TTLL7: variants seen among roughly 807,000 people sequenced by gnomAD.
The protein encoded by TTLL7 is tubulin polyglutamylase TTLL7.
Under a neutral mutation model 120.2 loss-of-function variants are expected in TTLL7, and 53 were observed. The ratio of observed to expected loss-of-function variants is 0.44; its 90% CI spans 0.35 to 0.55. TTLL7 has a LOEUF of 0.55. Ranked by LOEUF, TTLL7 falls within the 20% of genes least tolerant of loss-of-function variation. The pLI is 0.00. For synonymous variants in TTLL7, 353 were observed against 351.7 expected (o/e 1.00, Z -0.04); for missense variants, 803 against 1,054.7 (o/e 0.76, Z 3.31).
In TTLL7 at chr1:83,891,750, T is replaced by A. The variant is rs536255731; in HGVS notation, c.2209-1269A>T. On this transcript the variant is annotated intron_variant, in intron 18 of 20. Coordinates refer to ENST00000260505, the MANE Select transcript of TTLL7 (RefSeq NM_024686.6). ...GTATTAATACAGTAGTCAAAATGAA[T>A]CAAATATAACACACAAGATAGAACA... is the stretch of plus-strand genomic sequence containing the variant. Among the ~76,000 whole-genome samples the A allele has an allele frequency of 1.4e-4, 21 of 152,064 alleles. No homozygotes were observed. In the South Asian group the frequency reaches 4.2e-3, roughly 30 times the overall value.
chr1:83,981,478 A>G (rs947422389), intron 1 of TTLL7: 3 of 152,182 alleles, frequency 2.0e-5, no homozygotes, highest in Non-Finnish European at 4.4e-5. Context: ...ATATCCACCA[A>G]ACAAGATGGC....
At chr1:83,887,806 T>C (rs1472003921) in intron 19 of TTLL7, among the ~76,000 whole-genome samples, 1 of 144,698 alleles carries the variant, frequency 6.9e-6, no homozygotes, top group African/African-American at 2.5e-5. Flanking sequence ...GTAAATTATA[T>C]ACTCTGTTTA....
chr1:83,893,865 G>A (rs1189233393), intron 18 of TTLL7, among the ~76,000 whole-genome samples: 1 of 151,992 alleles, frequency 6.6e-6, no homozygotes, highest in Non-Finnish European at 1.5e-5. Context: ...GGCAGGGGAT[G>A]AGGAGGGAAA....
At chr1:83,916,917 C>A (rs1401108843) in intron 14 of TTLL7, among the ~76,000 whole-genome samples, 2 of 151,926 alleles carry the variant, frequency 1.3e-5, no homozygotes, top group East Asian at 1.9e-4. Context: ...CAGTGAGACA[C>A]CATCTCTTTA....
chr1:83,938,843 G>C (rs1647664233), intron 7 of TTLL7, among the ~76,000 whole-genome samples: 1 of 152,132 alleles, frequency 6.6e-6, no homozygotes, highest in Non-Finnish European at 1.5e-5. Context: ...TTACTTGAGA[G>C]AGCAATGTTA....
intron 1 of TTLL7, among the ~76,000 whole-genome samples, chr1:83,958,802 T>C (rs1044469730): frequency 6.6e-6 from 1 of 152,226 alleles, no homozygotes; most frequent in Non-Finnish European, 1.5e-5. Context: ...TAGTGTTTCT[T>C]AAATTGTAAT....
At chr1:83,963,202 T>C (rs1344581837) in intron 1 of TTLL7, among the ~76,000 whole-genome samples, 1 of 152,116 alleles carries the variant, frequency 6.6e-6, no homozygotes, top group Non-Finnish European at 1.5e-5. Context: ...TAAACAATCA[T>C]GGGATCCCAT....
chr1:83,949,686 G>T (rs929144717), intron 4 of TTLL7, 179 bp downstream of exon 4: 4 of 601,050 alleles, frequency 6.7e-6, no homozygotes, highest in African/African-American at 5.8e-5. Context: ...ACTTAAGTCT[G>T]CAAAAGATGC....
intron 1 of TTLL7, among the ~76,000 whole-genome samples, chr1:83,966,831 T>C (rs1343929250): frequency 1.3e-5 from 2 of 152,046 alleles, no homozygotes; most frequent in African/African-American, 4.8e-5. Flanking sequence ...ATTTGCAGAA[T>C]CCATGTCAGA....
intron 1 of TTLL7, chr1:83,979,014 T>A (rs935673141): frequency 2.6e-5 from 4 of 152,198 alleles, no homozygotes; most frequent in African/African-American, 9.6e-5. Context: ...GGCCCTTCTC[T>A]TGTGAGCTCT....
chr1:83,962,240 A>G (rs972282965), intron 1 of TTLL7, among the ~76,000 whole-genome samples: 8 of 152,136 alleles, frequency 5.3e-5, no homozygotes, highest in Non-Finnish European at 1.2e-4. Context: ...CTTTCCCTGA[A>G]AACTTGATAT....
chr1:83,971,438 T>C (rs775799277), intron 1 of TTLL7, among the ~76,000 whole-genome samples: 4 of 152,154 alleles, frequency 2.6e-5, no homozygotes, highest in Non-Finnish European at 5.9e-5. Flanking sequence ...AAGTACACTA[T>C]AGTTGATTAT....
chr1:83,882,250 A>T, intron 20 of TTLL7, among the ~76,000 whole-genome samples: 1 of 149,878 alleles, frequency 6.7e-6, no homozygotes, highest in South Asian at 2.1e-4. Context: ...ATAATAAAAT[A>T]AAAATAATAA....
chr1:83,952,266 A>C lies in TTLL7; in HGVS notation c.-55T>G. The C allele has an allele frequency of 6.2e-7, 1 of 1,605,580 alleles. No individual in the cohort carries two copies. The highest frequency in any genetic ancestry group is 8.5e-7 in the Non-Finnish European group (1 of 1,174,204). Reference sequence around the variant, plus strand: ...GTGCTGCTGTACCAAGCTCTCAGGAAATCTGGAAATTCCACATTAGTCTAA... The same window carrying C: ...GTGCTGCTGTACCAAGCTCTCAGGACATCTGGAAATTCCACATTAGTCTAA... On this transcript the variant is annotated 5_prime_UTR_variant, in exon 2 of 21. It adds an upstream start codon to the 5' untranslated region. Transcript: ENST00000260505.
At position 83,866,264 on chromosome 1, in the gene TTLL7, T is replaced by C. The variant is rs1652908413; in HGVS notation, c.*3698A>G. 2.6e-5 allele frequency: 4 copies of C among 151,886 alleles called. No homozygotes were observed. Among genetic ancestry groups the C allele is most frequent in the Admixed American group, 2.6e-4 (4 of 15,250 alleles). 9.4% of individuals were successfully genotyped at this position (151,886 alleles called of 1,614,324 possible). A position where few individuals can be genotyped will look rare whatever the true frequency, so the allele number is the denominator to read the frequency against. On this transcript the variant is annotated 3_prime_UTR_variant, in exon 21 of 21. Coordinates refer to ENST00000260505, the MANE Select transcript of TTLL7 (RefSeq NM_024686.6). ...ATTTCTGCAGCTATCAATTTTTTGATACTTTTGAAAAAGTCAAGTAATGTA... is the reference window on the plus strand; with the variant it reads ...ATTTCTGCAGCTATCAATTTTTTGACACTTTTGAAAAAGTCAAGTAATGTA...
chr1:83,943,676 A>G (rs1214579003), intron 6 of TTLL7, among the ~76,000 whole-genome samples: 1 of 152,210 alleles, frequency 6.6e-6, no homozygotes, highest in Non-Finnish European at 1.5e-5. Flanking sequence ...AGAGGGGGAG[A>G]GTCTAATTTC....
intron 18 of TTLL7, among the ~76,000 whole-genome samples, chr1:83,892,891 G>GAAGGAA (rs1655835906): frequency 9.7e-6 from 1 of 103,380 alleles, no homozygotes; most frequent in African/African-American, 4.0e-5. Flanking sequence ...CAAAAAGAGA[G>GAAGGAA]AAAGAGAAAG....
In TTLL7 at chr1:83,918,495, A is replaced by T. The variant is rs202175994; in HGVS notation, c.1501-805T>A. On this transcript the variant is annotated intron_variant, in intron 13 of 20. Transcript: ENST00000260505. ...ATCTCACTGTGCAGTAGAAATGTGT[A>T]AAGTAAGTTACTCTTTGTCCCAATC... Among the ~76,000 whole-genome samples the T allele has an allele frequency of 4.6e-5, 7 of 152,168 alleles. No homozygotes were observed. The East Asian group carries it at 1.3e-3, about 29-fold the overall frequency.
chr1:83,948,940 T>C, intron 4 of TTLL7: 3 of 310,502 alleles, frequency 9.7e-6, no homozygotes, highest in Non-Finnish European at 1.8e-5. Flanking sequence ...AGTAAAGTTA[T>C]AATTTTCTAG....
Sources: gnomAD v4.1 joint callset for allele counts (sites outside exome capture counted in the v4.1 genomes callset) on GRCh38, gnomAD v4.1.1 for gene constraint, MANE v1.5 for transcripts, NCBI Gene and HGNC (gene_info 2026-07-23, HGNC 2026-07-21) for gene names.